ERGIC2: variants seen among roughly 807,000 people sequenced by gnomAD.
ERGIC2 encodes the protein ERGIC and golgi 2.
In ERGIC2, 31 loss-of-function variants were observed where a neutral mutation model predicts 52.5. The observed-to-expected ratio is 0.59, with a 90% CI of 0.44 to 0.80. The LOEUF (loss-of-function observed/expected upper bound fraction) is 0.80, where lower values mean the gene tolerates loss of function less well. ERGIC2 is among the 30% of genes least tolerant of loss of function. The probability of loss-of-function intolerance (pLI) is 0.00; values close to 1 mark genes in which losing one functional copy is unlikely to be tolerated. For synonymous variants in ERGIC2, 129 were observed against 140.6 expected (o/e 0.92, Z 0.58); for missense variants, 395 against 455.2 (o/e 0.87, Z 1.20).
intron 8 of ERGIC2, among the ~76,000 whole-genome samples, chr12:29,353,980 C>G (rs1940169342): frequency 6.6e-6 from 1 of 151,962 alleles, no homozygotes; most frequent in Admixed American, 6.6e-5. Context: ...AAAAGTTGTT[C>G]TGAAAATTGG....
At chr12:29,357,010 C>G (rs1940215842) in intron 7 of ERGIC2, among the ~76,000 whole-genome samples, 1 of 150,850 alleles carries the variant, frequency 6.6e-6, no homozygotes, top group Non-Finnish European at 1.5e-5. Context: ...CTCTGCTACC[C>G]AGGCTGGAGT....
At chr12:29,373,771 A>G (rs1940475945) in intron 1 of ERGIC2, among the ~76,000 whole-genome samples, 1 of 152,214 alleles carries the variant, frequency 6.6e-6, no homozygotes, top group African/African-American at 2.4e-5. Flanking sequence ...AGTATTCGAA[A>G]GAAAAAAATA....
chr12:29,376,998 C>T (rs187772690), intron 1 of ERGIC2, among the ~76,000 whole-genome samples: 35 of 152,112 alleles, frequency 2.3e-4, no homozygotes, highest in African/African-American at 8.2e-4. Context: ...TTTTGGATGT[C>T]TTTATTCAGC....
intron 10 of ERGIC2, among the ~76,000 whole-genome samples, chr12:29,347,768 T>C (rs1940078004): frequency 6.6e-6 from 1 of 152,154 alleles, no homozygotes; most frequent in African/African-American, 2.4e-5. Context: ...AAAAAACATA[T>C]ATTACGAAGG....
intron 7 of ERGIC2, 61 bp downstream of exon 7, chr12:29,357,562 T>C (rs1940225265): frequency 2.2e-6 from 2 of 902,064 alleles, no homozygotes; most frequent in Admixed American, 4.4e-5. Flanking sequence ...AACACTTTAG[T>C]TTTAACTATG....
chr12:29,343,103 A>G lies in ERGIC2; in HGVS notation c.988+17T>C, dbSNP rs774951533. ...CAACACTTTCAGAAATTAGACAAAA[A>G]GGAAATGGTTGTTAACCTGTTGTTG... is the stretch of plus-strand genomic sequence containing the variant. On this transcript the variant is annotated intron_variant, in intron 12 of 13. Transcript: ENST00000360150. 2 of 1,551,850 alleles carry G rather than the reference A, an allele frequency of 1.3e-6. No homozygotes were observed. Among genetic ancestry groups the G allele is most frequent in the East Asian group, 4.6e-5 (2 of 43,294 alleles).
In ERGIC2 at chr12:29,349,180, A is replaced by G. The variant is rs376952708; in HGVS notation, c.629-3T>C. 6.9e-7 allele frequency: 1 copy of G among 1,458,700 alleles called. No individual in the cohort carries two copies. Among genetic ancestry groups the G allele is most frequent in the South Asian group, 1.3e-5 (1 of 79,574 alleles). 90.4% of individuals were successfully genotyped at this position (1,458,700 alleles called of 1,614,324 possible). On this transcript the variant is annotated splice_region_variant and splice_polypyrimidine_tract_variant and intron_variant, in intron 9 of 13. Coordinates refer to ENST00000360150, the MANE Select transcript of ERGIC2 (RefSeq NM_016570.3). ...TATTCTATGAGAAAAATTGTAAGCT[A>G]AAAGGCAAAAAATAAAAACAACTTA...
intron 8 of ERGIC2, among the ~76,000 whole-genome samples, chr12:29,356,178 C>T (rs1223071905): frequency 1.3e-5 from 2 of 152,042 alleles, no homozygotes; most frequent in Admixed American, 6.6e-5. Context: ...CCTGCCACCA[C>T]ATCCAGCTAA....
intron 8 of ERGIC2, among the ~76,000 whole-genome samples, chr12:29,351,437 T>C (rs1565537803): frequency 6.6e-6 from 1 of 152,168 alleles, no homozygotes; most frequent in African/African-American, 2.4e-5. Context: ...ATAGTTTTTG[T>C]TGAAAGCAGG....
chr12:29,362,736 A>G (rs1940304464), intron 5 of ERGIC2, among the ~76,000 whole-genome samples: 13 of 152,206 alleles, frequency 8.5e-5, no homozygotes, highest in Admixed American at 8.5e-4. Context: ...ATATAACTAT[A>G]TGCTTCAAGT....
chr12:29,345,690 G>T, intron 10 of ERGIC2, 150 bp from the exon 11 acceptor site: 1 of 620,312 alleles, frequency 1.6e-6, no homozygotes, highest in South Asian at 1.8e-5. Flanking sequence ...GACGAAGGAG[G>T]ACTGCTTGAG....
intron 6 of ERGIC2, among the ~76,000 whole-genome samples, chr12:29,358,436 TC>T (rs1440546265): frequency 6.6e-6 from 1 of 152,158 alleles, no homozygotes; most frequent in East Asian, 1.9e-4. Context: ...GTGAAATCAT[TC>T]TGTATGGCAG....
At chr12:29,347,053 G>C (rs1940062649) in intron 10 of ERGIC2, among the ~76,000 whole-genome samples, 1 of 152,122 alleles carries the variant, frequency 6.6e-6, no homozygotes, top group African/African-American at 2.4e-5. Context: ...TTAAATTTAA[G>C]CAGAAAAAAT....
chr12:29,357,702 T>A lies in ERGIC2; in HGVS notation c.397A>T (p.Arg133Trp). 6.2e-7 allele frequency: 1 copy of A among 1,606,462 alleles called. No individual in the cohort carries two copies. Among genetic ancestry groups the A allele is most frequent in the Non-Finnish European group, 8.5e-7 (1 of 1,173,572 alleles). The change falls in exon 7 of 14, where the codon AGG becomes TGG. Residue 133 changes from arginine to tryptophan, a missense_variant. Physicochemically the swap from Arg to Trp is moderately radical, Grantham distance 101. Transcript: ENST00000360150. ...WQRMLQLIQS[R>W]LQEEHSLQDV... ...TGAAGTGAATGCTCTTCTTGTAGCC[T>A]ACTCTGAATCAGCTGCAGCATCCTA...
At chr12:29,375,573 A>C (rs1285538679) in intron 1 of ERGIC2, among the ~76,000 whole-genome samples, 1 of 152,234 alleles carries the variant, frequency 6.6e-6, no homozygotes, top group East Asian at 1.9e-4. Context: ...TAAAACAGTG[A>C]ATTACATTTC....
chr12:29,379,428 G>A (rs764227994), intron 1 of ERGIC2, among the ~76,000 whole-genome samples: 1 of 152,092 alleles, frequency 6.6e-6, no homozygotes, highest in Non-Finnish European at 1.5e-5. Context: ...ACTGGATAAT[G>A]GGAGTTTAAG....
At chr12:29,346,542 A>C (rs1940054590) in intron 10 of ERGIC2, among the ~76,000 whole-genome samples, 1 of 152,160 alleles carries the variant, frequency 6.6e-6, no homozygotes. Flanking sequence ...ATAAGAGAAT[A>C]ACCACCACAA....
intron 5 of ERGIC2, among the ~76,000 whole-genome samples, chr12:29,362,367 G>A (rs2136868985): frequency 6.6e-6 from 1 of 152,218 alleles, no homozygotes; most frequent in African/African-American, 2.4e-5. Context: ...CCTGAGCTCA[G>A]GAGTTCAAGA....
rs371837303 is a variant in ERGIC2, at chr12:29,368,265, T to A, written c.238A>T (p.Ile80Phe). ...FSSKLRINIDITVAMKCQYVG... is the reference protein window; with the variant it reads ...FSSKLRINIDFTVAMKCQYVG... ...CATTGACACTTCATGGCAACAGTAA[T>A]ATCTATATTAATTCTTAATTTGCTG... Residue 80 changes from isoleucine (I) to phenylalanine (F), a missense_variant, in exon 4 of 14, where the codon ATT (isoleucine) becomes TTT (phenylalanine). Physicochemically the swap from Ile to Phe is conservative, Grantham distance 21. Transcript: ENST00000360150. 1.9e-6 allele frequency: 3 copies of A among 1,555,702 alleles called. No individual in the cohort carries two copies. The East Asian group carries it at 6.8e-5, about 35-fold the overall frequency.
Sources: allele counts gnomAD v4.1 joint callset (sites outside exome capture counted in the v4.1 genomes callset), GRCh38; gene constraint gnomAD v4.1.1; transcripts MANE v1.5; gene names NCBI Gene and HGNC (gene_info 2026-07-23, HGNC 2026-07-21).